Variants in LRRTM4 observed in about 807,000 individuals in gnomAD.
LRRTM4 encodes leucine rich repeat transmembrane neuronal 4, also known as leucine-rich repeat transmembrane neuronal protein 4.
LRRTM4 carries 25 observed loss-of-function variants against 47.6 expected under a neutral mutation model. That is an observed-to-expected ratio of 0.53 (90% confidence interval 0.38 to 0.73). LRRTM4 has a LOEUF of 0.73. Ranked by LOEUF, LRRTM4 falls within the 30% of genes least tolerant of loss-of-function variation. LRRTM4 has a pLI of 0.00. For synonymous variants in LRRTM4, 311 were observed against 269.5 expected (o/e 1.15, Z -1.51); for missense variants, 638 against 713.4 (o/e 0.89, Z 1.20).
chr2:77,464,421 A>C (rs1462784813), intron 3 of LRRTM4, among the ~76,000 whole-genome samples: 1 of 152,158 alleles, frequency 6.6e-6, no homozygotes, highest in Non-Finnish European at 1.5e-5. Flanking sequence ...TAAAAAAGGT[A>C]AAAGTAATTT....
At chr2:77,189,642 T>C (rs1421646493) in intron 3 of LRRTM4, among the ~76,000 whole-genome samples, 1 of 151,618 alleles carries the variant, frequency 6.6e-6, no homozygotes, top group East Asian at 1.9e-4. Flanking sequence ...ACCGTGATCT[T>C]ACACTTCCAG....
chr2:77,092,711 C>T (rs1165015326), intron 3 of LRRTM4, among the ~76,000 whole-genome samples: 1 of 143,862 alleles, frequency 7.0e-6, no homozygotes, highest in Non-Finnish European at 1.5e-5. Context: ...AAGGCCACCG[C>T]AGTCATTTCT....
intron 3 of LRRTM4, among the ~76,000 whole-genome samples, chr2:77,343,380 T>G (rs1291477848): frequency 6.6e-6 from 1 of 151,946 alleles, no homozygotes; most frequent in African/African-American, 2.4e-5. Context: ...AATTAAAACA[T>G]TAGGATTTCT....
chr2:76,906,886 A>C (rs1673859748), intron 3 of LRRTM4, among the ~76,000 whole-genome samples: 1 of 151,542 alleles, frequency 6.6e-6, no homozygotes. Flanking sequence ...AGACTCCCAC[A>C]CAATAATAAT....
At chr2:76,861,699 A>G (rs17333276) in intron 3 of LRRTM4, among the ~76,000 whole-genome samples, 20,608 of 152,252 alleles carry the variant, frequency 0.14, 1,780 homozygotes, top group Admixed American at 0.21. Flanking sequence ...AGGAATCTTA[A>G]TATAATGCAA....
intron 3 of LRRTM4, among the ~76,000 whole-genome samples, chr2:77,118,175 T>A (rs1671436957): frequency 6.6e-6 from 1 of 151,874 alleles, no homozygotes; most frequent in Non-Finnish European, 1.5e-5. Flanking sequence ...GGTAGATTTT[T>A]TTGTAGAGAC....
chr2:77,425,164 C>T (rs1573395954), intron 3 of LRRTM4, among the ~76,000 whole-genome samples: 1 of 124,314 alleles, frequency 8.0e-6, no homozygotes, highest in Admixed American at 7.4e-5. Context: ...ATATTTTATT[C>T]ATTCAGAGTA....
chr2:77,348,211 T>C lies in LRRTM4; in HGVS notation c.1551+170107A>G, dbSNP rs538347912. Reference sequence around the variant, plus strand: ...AACCATTTAGATAAGTTGTATATACTGTTAAACTTAACAGTATTATTCACT... The same window carrying C: ...AACCATTTAGATAAGTTGTATATACCGTTAAACTTAACAGTATTATTCACT... On this transcript the variant is annotated intron_variant, in intron 3 of 3. Transcript: ENST00000409884. Among the ~76,000 whole-genome samples, 5 of 152,024 alleles carry C rather than the reference T, an allele frequency of 3.3e-5. No homozygotes were observed. In the East Asian group the frequency reaches 5.8e-4, roughly 18 times the overall value.
intron 3 of LRRTM4, among the ~76,000 whole-genome samples, chr2:77,481,167 G>A (rs1677688158): frequency 6.6e-6 from 1 of 152,126 alleles, no homozygotes; most frequent in Non-Finnish European, 1.5e-5. Flanking sequence ...TACCTTTTCT[G>A]TACCAAACTT....
intron 3 of LRRTM4, among the ~76,000 whole-genome samples, chr2:77,001,132 T>C (rs1442457960): frequency 6.6e-6 from 1 of 152,124 alleles, no homozygotes; most frequent in Admixed American, 6.6e-5. Context: ...GCTCAACCCA[T>C]TGAAGTGCTG....
intron 3 of LRRTM4, among the ~76,000 whole-genome samples, chr2:77,452,962 G>C (rs1411255669): frequency 6.6e-6 from 1 of 151,924 alleles, no homozygotes; most frequent in Non-Finnish European, 1.5e-5. Flanking sequence ...TAATTTCTAT[G>C]TGACCTTATA....
chr2:77,232,633 C>G (rs2103973081), intron 3 of LRRTM4, among the ~76,000 whole-genome samples: 2 of 152,302 alleles, frequency 1.3e-5, no homozygotes, highest in African/African-American at 4.8e-5. Flanking sequence ...GAGAGGATAT[C>G]TCTGAAATTT....
chr2:76,999,489 T>C (rs762308146), intron 3 of LRRTM4, among the ~76,000 whole-genome samples: 1 of 149,978 alleles, frequency 6.7e-6, no homozygotes, highest in African/African-American at 2.4e-5. Flanking sequence ...CAAATGATCA[T>C]GTGAGGCAGA....
intron 3 of LRRTM4, among the ~76,000 whole-genome samples, chr2:76,908,951 T>A (rs1298626578): frequency 2.6e-5 from 4 of 152,126 alleles, no homozygotes; most frequent in Non-Finnish European, 4.4e-5. Context: ...GCCATCCCCA[T>A]CAAGCTACCA....
At chr2:76,805,071 A>C (rs761231485) in intron 3 of LRRTM4, among the ~76,000 whole-genome samples, 3 of 152,032 alleles carry the variant, frequency 2.0e-5, no homozygotes, top group Admixed American at 6.6e-5. Context: ...TCTTCTCAAA[A>C]CCTCTTGAAA....
At chr2:77,455,512 C>A (rs969453623) in intron 3 of LRRTM4, among the ~76,000 whole-genome samples, 2 of 152,090 alleles carry the variant, frequency 1.3e-5, no homozygotes, top group African/African-American at 4.8e-5. Flanking sequence ...CAACATACCA[C>A]ACACTTCCAG....
At chr2:77,487,052 T>C (rs1363160957) in intron 3 of LRRTM4, among the ~76,000 whole-genome samples, 1 of 152,066 alleles carries the variant, frequency 6.6e-6, no homozygotes, top group African/African-American at 2.4e-5. Flanking sequence ...AAAAATTAAA[T>C]AGAAGTAATG....
At chr2:77,048,628 A>C (rs142339682) in intron 3 of LRRTM4, among the ~76,000 whole-genome samples, 1,590 of 151,932 alleles carry the variant, frequency 0.01, 23 homozygotes, top group African/African-American at 0.036. Flanking sequence ...AATTTTTCTT[A>C]TTATTATTTT....
At chr2:77,108,053 T>A (rs2103926916) in intron 3 of LRRTM4, among the ~76,000 whole-genome samples, 1 of 151,920 alleles carries the variant, frequency 6.6e-6, no homozygotes, top group African/African-American at 2.4e-5. Context: ...TATTGCATAT[T>A]AAACTCTGTG....
Sources: allele counts gnomAD v4.1 joint callset (sites outside exome capture counted in the v4.1 genomes callset), GRCh38; gene constraint gnomAD v4.1.1; transcripts MANE v1.5; gene names NCBI Gene and HGNC (gene_info 2026-07-23, HGNC 2026-07-21).